Variants in SCAPER observed in about 807,000 individuals in gnomAD.
The protein encoded by SCAPER is S-phase cyclin A associated protein in the ER, also known as S phase cyclin A-associated protein in the endoplasmic reticulum.
In SCAPER, 98 loss-of-function variants were observed where a neutral mutation model predicts 182.2. The ratio of observed to expected loss-of-function variants is 0.54; its 90% CI spans 0.46 to 0.64. The LOEUF (loss-of-function observed/expected upper bound fraction) is 0.64. SCAPER is among the 30% of genes least tolerant of loss of function. The probability of loss-of-function intolerance (pLI) is 0.00; values close to 1 mark genes in which losing one functional copy is unlikely to be tolerated. For missense variants in SCAPER, 1,432 were observed against 1,690.0 expected (o/e 0.85, Z 2.68); for synonymous variants, 605 against 564.6 (o/e 1.07, Z -1.01).
At position 76,870,028 on chromosome 15, in the gene SCAPER, T is replaced by C. The variant is rs11857794; in HGVS notation, c.7-7495A>G. Among the ~76,000 whole-genome samples the C allele has an allele frequency of 8.2e-3, 1,240 of 152,142 alleles. 13 individuals are homozygous for C. Among genetic ancestry groups the C allele is most frequent in the African/African-American group, 0.028 (1,169 of 41,512 alleles). ...ACTATCATATGTTCTCCCTCATATGTTGGAGCTAAAAAAGTGGATCTCATA... is the reference window on the plus strand; with the variant it reads ...ACTATCATATGTTCTCCCTCATATGCTGGAGCTAAAAAAGTGGATCTCATA... On this transcript the variant is annotated intron_variant, in intron 2 of 31. Transcript: ENST00000563290.
chr15:76,425,091 G>A (rs1316136043), intron 26 of SCAPER, among the ~76,000 whole-genome samples: 1 of 152,088 alleles, frequency 6.6e-6, no homozygotes, highest in Admixed American at 6.6e-5. Context: ...TGACAATTAT[G>A]TGTCTTGGAG....
At chr15:76,581,178 CA>C (rs1005027671) in intron 22 of SCAPER, among the ~76,000 whole-genome samples, 3 of 151,578 alleles carry the variant, frequency 2.0e-5, no homozygotes, top group African/African-American at 7.3e-5. Flanking sequence ...ACAACAACAA[CA>C]AAAAAAAGTC....
chr15:76,368,266 A>G (rs1482395333), intron 29 of SCAPER, among the ~76,000 whole-genome samples: 1 of 152,206 alleles, frequency 6.6e-6, no homozygotes, highest in East Asian at 1.9e-4. Context: ...GAGTGAAGTA[A>G]AAATGTTTGA....
chr15:76,841,671 C>T, intron 5 of SCAPER, 63 bp downstream of exon 5: 1 of 1,525,906 alleles, frequency 6.6e-7, no homozygotes, highest in Non-Finnish European at 9.0e-7. Context: ...GATCAAGTCA[C>T]ATGTAGCAAA....
chr15:76,575,182 T>C (rs1004350228), intron 22 of SCAPER, among the ~76,000 whole-genome samples: 1 of 152,130 alleles, frequency 6.6e-6, no homozygotes, highest in African/African-American at 2.4e-5. Flanking sequence ...TTAATTTCTT[T>C]AGCTGGATTA....
intron 15 of SCAPER, among the ~76,000 whole-genome samples, chr15:76,744,045 T>G (rs1478759197): frequency 1.3e-5 from 2 of 152,144 alleles, no homozygotes; most frequent in Non-Finnish European, 2.9e-5. Flanking sequence ...GGAAAAGGAC[T>G]CCTTCTTCAA....
chr15:76,505,440 G>T (rs531252445), intron 23 of SCAPER, among the ~76,000 whole-genome samples: 2 of 152,246 alleles, frequency 1.3e-5, no homozygotes, highest in East Asian at 3.9e-4. Context: ...CAAAAAATCT[G>T]AATAGACATT....
intron 22 of SCAPER, among the ~76,000 whole-genome samples, chr15:76,603,502 G>C (rs1017428490): frequency 1.6e-5 from 2 of 121,892 alleles, no homozygotes; most frequent in African/African-American, 5.0e-5. Flanking sequence ...ATGTGTGCAT[G>C]TGTCTTTACA....
chr15:76,473,799 TTTATTA>T (rs746028176), intron 24 of SCAPER, among the ~76,000 whole-genome samples: 2 of 151,972 alleles, frequency 1.3e-5, no homozygotes, highest in African/African-American at 2.4e-5. Flanking sequence ...TTTATTTTAC[TTTATTA>T]TTATTATTAT....
chr15:76,401,212 T>A (rs1343654850), intron 27 of SCAPER, among the ~76,000 whole-genome samples: 1 of 152,136 alleles, frequency 6.6e-6, no homozygotes, highest in Non-Finnish European at 1.5e-5. Flanking sequence ...ATATTTCCAC[T>A]CTGAAGAACT....
chr15:76,563,656 G>C (rs1238930318), intron 23 of SCAPER, among the ~76,000 whole-genome samples: 3 of 152,142 alleles, frequency 2.0e-5, no homozygotes, highest in Admixed American at 6.5e-5. Context: ...CTCCCCCCCA[G>C]TTCATTCTAT....
intron 23 of SCAPER, among the ~76,000 whole-genome samples, chr15:76,560,312 C>T (rs2046517670): frequency 6.6e-6 from 1 of 152,192 alleles, no homozygotes; most frequent in African/African-American, 2.4e-5. Flanking sequence ...CCTTGGTGAA[C>T]TCACACAGCT....
chr15:76,494,826 C>T (rs983072563), intron 24 of SCAPER, among the ~76,000 whole-genome samples: 4 of 152,022 alleles, frequency 2.6e-5, no homozygotes, highest in Non-Finnish European at 5.9e-5. Context: ...GAAGACAAAA[C>T]TCATCACAGA....
chr15:76,766,230 G>A (rs1280148732), intron 11 of SCAPER, among the ~76,000 whole-genome samples: 1 of 152,064 alleles, frequency 6.6e-6, no homozygotes, highest in Non-Finnish European at 1.5e-5. Context: ...CCAAGTAGCT[G>A]GGACTACAGG....
At chr15:76,739,702 G>A (rs770578996) in intron 15 of SCAPER, among the ~76,000 whole-genome samples, 1 of 152,154 alleles carries the variant, frequency 6.6e-6, no homozygotes, top group South Asian at 2.1e-4. Flanking sequence ...TGTGATTGAC[G>A]AGGGTAGATG....
intron 6 of SCAPER, among the ~76,000 whole-genome samples, chr15:76,802,092 A>T (rs536897157): frequency 6.6e-6 from 1 of 152,156 alleles, no homozygotes; most frequent in East Asian, 1.9e-4. Context: ...TTTTTAATGC[A>T]TTGGTGATTA....
chr15:76,601,000 G>A (rs1433343093), intron 22 of SCAPER, among the ~76,000 whole-genome samples: 2 of 121,378 alleles, frequency 1.6e-5, no homozygotes, highest in African/African-American at 2.5e-5. Flanking sequence ...AACAACAGAA[G>A]AAATTTCTAA....
At chr15:76,361,476 C>T (rs2041415130) in intron 29 of SCAPER, among the ~76,000 whole-genome samples, 1 of 152,184 alleles carries the variant, frequency 6.6e-6, no homozygotes, top group Non-Finnish European at 1.5e-5. Flanking sequence ...GAAAGTCTTC[C>T]AAGCTCCAAC....
At chr15:76,760,771 A>G (rs1598568904) in intron 14 of SCAPER, among the ~76,000 whole-genome samples, 1 of 152,360 alleles carries the variant, frequency 6.6e-6, no homozygotes, top group East Asian at 1.9e-4. Flanking sequence ...AACCAGGGTC[A>G]AAGATCACAT....
Sources: allele counts gnomAD v4.1 joint callset (sites outside exome capture counted in the v4.1 genomes callset), GRCh38; gene constraint gnomAD v4.1.1; transcripts MANE v1.5; gene names NCBI Gene and HGNC (gene_info 2026-07-23, HGNC 2026-07-21).